Variants in EYA3 observed in about 807,000 individuals in gnomAD.
EYA3 encodes the protein protein phosphatase EYA3.
Under a neutral mutation model 80.0 loss-of-function variants are expected in EYA3, and 39 were observed. The ratio of observed to expected loss-of-function variants is 0.49; its 90% CI spans 0.38 to 0.64. The LOEUF (loss-of-function observed/expected upper bound fraction) is 0.64, where lower values mean the gene tolerates loss of function less well. EYA3 is among the 30% of genes least tolerant of loss of function. EYA3 has a pLI of 0.00. For synonymous variants in EYA3, 206 were observed against 232.8 expected (o/e 0.88, Z 1.05); for missense variants, 523 against 676.1 (o/e 0.77, Z 2.51).
chr1:28,002,363 T>A (rs1640924238), intron 11 of EYA3, among the ~76,000 whole-genome samples: 1 of 151,792 alleles, frequency 6.6e-6, no homozygotes, highest in Admixed American at 6.6e-5. Flanking sequence ...TATAAAATTT[T>A]TATACACATT....
At chr1:27,990,103 C>T (rs1639942868) in intron 14 of EYA3, 1 of 165,292 alleles carries the variant, frequency 6.0e-6, no homozygotes, top group Non-Finnish European at 1.3e-5. Context: ...GGCTCTACTA[C>T]TGGCCTTGGA....
In EYA3 at chr1:28,004,390, G is replaced by A; in HGVS notation, c.939C>T (p.Thr313=). 2 of 1,607,494 alleles carry A rather than the reference G, an allele frequency of 1.2e-6. No individual in the cohort carries two copies. The highest frequency in any genetic ancestry group is 1.7e-6 in the Non-Finnish European group (2 of 1,175,298). Reference sequence around the variant, plus strand: ...TAAGAAGTGAGTGGAAGATGATGATGGTTTCATCCAAGTCCCACAGAAATA... The same window carrying A: ...TAAGAAGTGAGTGGAAGATGATGATAGTTTCATCCAAGTCCCACAGAAATA... ...ERVFLWDLDE[T]IIIFHSLLTG... is the part of the protein sequence containing the mutation. Residue 313 remains threonine, a synonymous_variant, in exon 11 of 18, where the codon ACC becomes ACT. Coordinates refer to ENST00000373871, the MANE Select transcript of EYA3 (RefSeq NM_001990.4).
chr1:28,068,809 T>C (rs1489894551), intron 1 of EYA3, among the ~76,000 whole-genome samples: 2 of 152,166 alleles, frequency 1.3e-5, no homozygotes, highest in Non-Finnish European at 2.9e-5. Context: ...TGTTTTTTGA[T>C]TTTTTGAGAC....
chr1:28,065,429 C>A (rs529249667), intron 1 of EYA3, among the ~76,000 whole-genome samples: 1 of 151,920 alleles, frequency 6.6e-6, no homozygotes, highest in Non-Finnish European at 1.5e-5. Context: ...CGTGCCACCA[C>A]GCCCAGCTAA....
chr1:28,020,421 T>A (rs1364190612), intron 7 of EYA3, among the ~76,000 whole-genome samples: 1 of 152,094 alleles, frequency 6.6e-6, no homozygotes, highest in East Asian at 1.9e-4. Context: ...TATATCAGGG[T>A]CAACTATGTG....
At position 28,034,933 on chromosome 1, in the gene EYA3, G is replaced by A. The variant is rs148391168; in HGVS notation, c.361+611C>T. 2.0e-5 allele frequency among the ~76,000 whole-genome samples: 3 copies of A among 152,216 alleles called. No individual in the cohort carries two copies. The East Asian group carries it at 5.8e-4, about 29-fold the overall frequency. On this transcript the variant is annotated intron_variant, in intron 6 of 17. Transcript: ENST00000373871. ...AGAAAAATAAGCACAGATATTAAGT[G>A]CCCAAAGAACCTTAAAGTGACTTCT... is the stretch of plus-strand genomic sequence containing the variant.
At chr1:28,028,221 T>C (rs1365884979) in intron 6 of EYA3, among the ~76,000 whole-genome samples, 1 of 152,178 alleles carries the variant, frequency 6.6e-6, no homozygotes, top group African/African-American at 2.4e-5. Context: ...AAAAGAGTTA[T>C]TGACACCCAA....
At chr1:28,041,352 G>A (rs1272116048) in intron 4 of EYA3, among the ~76,000 whole-genome samples, 1 of 151,704 alleles carries the variant, frequency 6.6e-6, no homozygotes, top group Non-Finnish European at 1.5e-5. Context: ...TGACAAGAGC[G>A]AAACTCCACC....
At chr1:28,086,434 T>C (rs1215780905) in intron 1 of EYA3, among the ~76,000 whole-genome samples, 1 of 152,184 alleles carries the variant, frequency 6.6e-6, no homozygotes, top group Non-Finnish European at 1.5e-5. Flanking sequence ...CCTCTGGCCT[T>C]GGCCTTCCAA....
chr1:28,019,090 C>T (rs763676063), intron 7 of EYA3, among the ~76,000 whole-genome samples: 4 of 152,050 alleles, frequency 2.6e-5, no homozygotes, highest in African/African-American at 4.8e-5. Flanking sequence ...CACTTAAACT[C>T]GGGAGGCAGA....
At chr1:27,989,187 G>A (rs948717453) in intron 15 of EYA3, among the ~76,000 whole-genome samples, 4 of 152,292 alleles carry the variant, frequency 2.6e-5, no homozygotes, top group African/African-American at 7.2e-5. Flanking sequence ...TGTGGATCTG[G>A]AATTACTGCT....
chr1:27,981,313 C>A (rs1000362249), intron 16 of EYA3, among the ~76,000 whole-genome samples: 4 of 152,114 alleles, frequency 2.6e-5, no homozygotes, highest in Non-Finnish European at 5.9e-5. Flanking sequence ...AGGAAAAATA[C>A]CAAATAAGCA....
chr1:28,032,741 T>C (rs946636031), intron 6 of EYA3, among the ~76,000 whole-genome samples: 6 of 152,238 alleles, frequency 3.9e-5, no homozygotes, highest in African/African-American at 1.4e-4. Context: ...TTCTTTACTT[T>C]AAAAGATTAC....
rs559544771 is a variant in EYA3 at position 28,028,321 on chromosome 1, A to G, written c.362-395T>C. Among the ~76,000 whole-genome samples the G allele has an allele frequency of 1.4e-3, 218 of 152,320 alleles. 1 individual carries two copies. The highest frequency in any genetic ancestry group is 4.8e-3 in the African/African-American group (201 of 41,564). On this transcript the variant is annotated intron_variant, in intron 6 of 17. Transcript: ENST00000373871. ...GTCAAGGTAGGAGACATTCCATATA[A>G]GTTTAAAATTCACTTACCCATTAAA... is the stretch of plus-strand genomic sequence containing the variant.
At chr1:27,998,209 TG>T (rs1557544507) in intron 12 of EYA3, 1 of 538,156 alleles carries the variant, frequency 1.9e-6, no homozygotes, top group Non-Finnish European at 2.4e-6. Flanking sequence ...TTTCTGAGAG[TG>T]AAGTCCTAGA....
At chr1:28,035,511 T>C in intron 6 of EYA3, 33 bp downstream of exon 6, 1 of 1,600,174 alleles carries the variant, frequency 6.2e-7, no homozygotes. Flanking sequence ...AAAATCAACA[T>C]TCTTAGAAAT....
At chr1:28,078,367 A>G (rs939817851) in intron 1 of EYA3, among the ~76,000 whole-genome samples, 3 of 152,194 alleles carry the variant, frequency 2.0e-5, no homozygotes, top group Non-Finnish European at 4.4e-5. Flanking sequence ...CCTGAGCAAT[A>G]TAACATTAAA....
At position 27,970,707 on chromosome 1, in the gene EYA3, T is replaced by A. The variant is rs558486281; in HGVS notation, c.*3759A>T. 2.7e-4 allele frequency: 41 copies of A among 152,296 alleles called. No individual in the cohort carries two copies. Among genetic ancestry groups the A allele is most frequent in the African/African-American group, 9.9e-4 (41 of 41,566 alleles). The allele number at this position is 152,296 out of a possible 1,614,324, so 9.4% of individuals were successfully genotyped here. ...ATATTTTAGAATCTCGGAATTCAGA[T>A]CCTATAGTGTGAATATCTGGGGAGT... On this transcript the variant is annotated 3_prime_UTR_variant, in exon 18 of 18. Transcript: ENST00000373871.
At position 27,974,373 on chromosome 1, in the gene EYA3, G is replaced by A. The variant is rs1300531937; in HGVS notation, c.*93C>T. 9 of 853,110 alleles carry A rather than the reference G, an allele frequency of 1.1e-5. No individual in the cohort carries two copies. Among genetic ancestry groups the A allele is most frequent in the Non-Finnish European group, 1.7e-5 (9 of 526,012 alleles). The allele number at this position is 853,110 out of a possible 1,614,324, so 52.8% of individuals were successfully genotyped here. A position where few individuals can be genotyped will look rare whatever the true frequency, so the allele number is the denominator to read the frequency against. On this transcript the variant is annotated 3_prime_UTR_variant, in exon 18 of 18. Transcript: ENST00000373871. ...AGAGATAGAGACAGAGACACAGAGA[G>A]AGACAGACAGAGAAAGTTCTCAGTT...
Sources: allele counts gnomAD v4.1 joint callset (sites outside exome capture counted in the v4.1 genomes callset), GRCh38; gene constraint gnomAD v4.1.1; transcripts MANE v1.5; gene names NCBI Gene and HGNC (gene_info 2026-07-23, HGNC 2026-07-21).